The following RIN3 variants were observed in gnomAD, a reference collection of about 807,000 sequenced individuals.
RIN3 encodes the protein RAB5 interacting protein 3.
Under a neutral mutation model 76.3 loss-of-function variants are expected in RIN3, and 54 were observed. The ratio of observed to expected loss-of-function variants is 0.71; its 90% confidence interval spans 0.57 to 0.89. The LOEUF (loss-of-function observed/expected upper bound fraction) is 0.89. Among genes scored for constraint, RIN3 ranks in the 40% least tolerant of loss-of-function variants. The probability of loss-of-function intolerance (pLI) is 0.00; values close to 1 mark genes in which losing one functional copy is unlikely to be tolerated. For missense variants in RIN3, 1,256 were observed against 1,322.1 expected, an observed-to-expected ratio of 0.95 and a Z score of 0.78; for synonymous variants, 576 against 564.0, an observed-to-expected ratio of 1.02 and a Z score of -0.30.
intron 6 of RIN3, among the ~76,000 whole-genome samples, chr14:92,658,438 C>T (rs1033364725): frequency 4.6e-5 from 7 of 152,328 alleles, no homozygotes; most frequent in East Asian, 3.9e-4. Context: ...CCGATCACAG[C>T]GGGGCCTCTT....
At chr14:92,518,459 G>A (rs1217367121) in intron 1 of RIN3, among the ~76,000 whole-genome samples, 1 of 152,166 alleles carries the variant, frequency 6.6e-6, no homozygotes, top group Non-Finnish European at 1.5e-5. Context: ...GGCTTGGGGG[G>A]CTAGGAGCCC....
chr14:92,603,282 T>C (rs563258028), intron 3 of RIN3, among the ~76,000 whole-genome samples: 1 of 152,332 alleles, frequency 6.6e-6, no homozygotes, highest in African/African-American at 2.4e-5. Context: ...GGATGCTTTT[T>C]TTCAGCACAT....
At chr14:92,626,756 T>C (rs1886370526) in intron 4 of RIN3, among the ~76,000 whole-genome samples, 1 of 151,668 alleles carries the variant, frequency 6.6e-6, no homozygotes, top group Non-Finnish European at 1.5e-5. Flanking sequence ...TTGGGGGGAA[T>C]TAAATGGGGA....
intron 6 of RIN3, among the ~76,000 whole-genome samples, chr14:92,657,703 C>T (rs768329177): frequency 6.6e-6 from 1 of 152,162 alleles, no homozygotes; most frequent in African/African-American, 2.4e-5. Flanking sequence ...TCTCTGCCTG[C>T]GGAGGCTCCA....
At chr14:92,590,045 A>G (rs1438649782) in intron 3 of RIN3, among the ~76,000 whole-genome samples, 2 of 152,224 alleles carry the variant, frequency 1.3e-5, no homozygotes, top group South Asian at 4.1e-4. Context: ...GGGAAACCCA[A>G]TGTGTAACTG....
At chr14:92,665,777 C>T (rs150969185) in intron 7 of RIN3, among the ~76,000 whole-genome samples, 6 of 146,914 alleles carry the variant, frequency 4.1e-5, no homozygotes, top group African/African-American at 1.5e-4. Context: ...TTGTGTTTGT[C>T]AGATGTTTCC....
At chr14:92,520,662 A>C (rs904043841) in intron 1 of RIN3, among the ~76,000 whole-genome samples, 19 of 152,200 alleles carry the variant, frequency 1.2e-4, no homozygotes, top group African/African-American at 4.3e-4. Context: ...CCCCTCCTCC[A>C]AAGTTTCCCA....
intron 3 of RIN3, 26 bp from the exon 4 acceptor site, chr14:92,615,381 C>A: frequency 6.2e-7 from 1 of 1,608,996 alleles, no homozygotes; most frequent in Non-Finnish European, 8.5e-7. Context: ...CTCACCTCAC[C>A]CAGGGCCCTT....
At chr14:92,595,341 C>T (rs771418428) in intron 3 of RIN3, among the ~76,000 whole-genome samples, 1 of 152,206 alleles carries the variant, frequency 6.6e-6, no homozygotes, top group Non-Finnish European at 1.5e-5. Context: ...GTGGAAGAAA[C>T]AAGACAAAGA....
At chr14:92,523,640 C>G (rs889393139) in intron 1 of RIN3, among the ~76,000 whole-genome samples, 5 of 151,744 alleles carry the variant, frequency 3.3e-5, no homozygotes, top group African/African-American at 1.2e-4. Context: ...GCTCTTGTTT[C>G]AAGGACTAGA....
chr14:92,576,227 C>T, intron 2 of RIN3: 1 of 1,276,244 alleles, frequency 7.8e-7, no homozygotes, highest in Non-Finnish European at 1.0e-6. Context: ...TGCCAAGACT[C>T]AAAGGACATT....
intron 4 of RIN3, among the ~76,000 whole-genome samples, chr14:92,620,200 A>T (rs747309115): frequency 4.6e-5 from 7 of 152,228 alleles, no homozygotes; most frequent in Non-Finnish European, 1.0e-4. Context: ...CCAGAGACTG[A>T]CTAGTAAGAA....
chr14:92,616,581 A>C (rs528502199), intron 4 of RIN3, among the ~76,000 whole-genome samples: 1 of 151,976 alleles, frequency 6.6e-6, no homozygotes, highest in Non-Finnish European at 1.5e-5. Context: ...AGAGGGACCA[A>C]TGATCTTTTT....
intron 3 of RIN3, among the ~76,000 whole-genome samples, chr14:92,598,562 C>T (rs1185616325): frequency 8.5e-5 from 13 of 152,166 alleles, no homozygotes; most frequent in African/African-American, 3.1e-4. Flanking sequence ...GAAACGGAGG[C>T]ACAGAGAGTT....
chr14:92,608,073 A>G (rs142381865), intron 3 of RIN3, among the ~76,000 whole-genome samples: 4 of 152,320 alleles, frequency 2.6e-5, no homozygotes, highest in Non-Finnish European at 4.4e-5. Flanking sequence ...GTGTTGGATG[A>G]GCTAAATATC....
intron 3 of RIN3, among the ~76,000 whole-genome samples, chr14:92,604,453 C>T (rs1284621695): frequency 1.3e-5 from 2 of 152,146 alleles, no homozygotes; most frequent in African/African-American, 4.8e-5. Flanking sequence ...TACATAAGGA[C>T]CTGGGGTGAA....
chr14:92,560,137 G>A (rs574347275), intron 2 of RIN3, among the ~76,000 whole-genome samples: 13 of 152,304 alleles, frequency 8.5e-5, no homozygotes, highest in African/African-American at 1.4e-4. Flanking sequence ...TCAGTGGTGC[G>A]AGAAGGCTGG....
rs1888953766 is a variant in RIN3, at chr14:92,688,237, G to A, written c.2943G>A (p.Glu981=). The part of the protein sequence containing the change: ...GGSPPCLVVR[E]PNFL Reference sequence around the variant, plus strand: ...GCCCGCCCTGCCTGGTGGTGCGGGAGCCCAACTTCCTGTGAGGCCCTCCCG... The same window carrying A: ...GCCCGCCCTGCCTGGTGGTGCGGGAACCCAACTTCCTGTGAGGCCCTCCCG... The change falls in exon 10 of 10, where the codon GAG becomes GAA. Residue 981 remains glutamate (E), a synonymous_variant. Transcript: ENST00000216487. 1.3e-6 allele frequency: 2 copies of A among 1,591,070 alleles called. No individual in the cohort carries two copies. The highest frequency in any genetic ancestry group is 1.3e-5 in the African/African-American group (1 of 74,534).
chr14:92,626,145 A>G (rs1886344824), intron 4 of RIN3, among the ~76,000 whole-genome samples: 1 of 152,100 alleles, frequency 6.6e-6, no homozygotes, highest in Admixed American at 6.5e-5. Flanking sequence ...AATTCCTTTA[A>G]TTATCATTTC....
Sources: gnomAD v4.1 joint callset for allele counts (sites outside exome capture counted in the v4.1 genomes callset) on GRCh38, gnomAD v4.1.1 for gene constraint, MANE v1.5 for transcripts, NCBI Gene and HGNC (gene_info 2026-07-23, HGNC 2026-07-21) for gene names.